Variants in FRMPD2 observed in about 807,000 individuals in gnomAD.
FRMPD2 encodes the protein FERM and PDZ domain-containing protein 2.
In FRMPD2, 96 loss-of-function variants were observed where a neutral mutation model predicts 140.1. The observed-to-expected ratio is 0.69, with a 90% CI of 0.58 to 0.81. FRMPD2 has a LOEUF of 0.81. Ranked by LOEUF, FRMPD2 falls within the 40% of genes least tolerant of loss-of-function variation. The pLI is 0.00. For synonymous variants in FRMPD2, 449 were observed against 547.6 expected (o/e 0.82, Z 2.52); for missense variants, 1,240 against 1,447.4 (o/e 0.86, Z 2.32).
intron 16 of FRMPD2, among the ~76,000 whole-genome samples, chr10:48,191,543 A>C (rs545857634): frequency 6.6e-6 from 1 of 152,262 alleles, no homozygotes; most frequent in East Asian, 1.9e-4. Flanking sequence ...GGTGCACGGC[A>C]ATGTACATTT....
At position 48,222,452 on chromosome 10, in the gene FRMPD2, C is replaced by T. The variant is rs1473913261; in HGVS notation, c.1317-1G>A. 1.2e-6 allele frequency: 2 copies of T among 1,613,700 alleles called. No individual in the cohort carries two copies. On this transcript the variant is annotated splice_acceptor_variant, in intron 11 of 28. Coordinates refer to ENST00000374201, the MANE Select transcript of FRMPD2 (RefSeq NM_001018071.4). LOFTEE classifies it high-confidence loss of function. ...AAACTGGTGCCTTGTCAGGCTGTGCCTGGAAAAGAAGTAGCAATAAAAAGG... is the reference window on the plus strand; with the variant it reads ...AAACTGGTGCCTTGTCAGGCTGTGCTTGGAAAAGAAGTAGCAATAAAAAGG...
intron 12 of FRMPD2, among the ~76,000 whole-genome samples, chr10:48,214,233 C>G (rs1839393606): frequency 6.6e-6 from 1 of 152,166 alleles, no homozygotes; most frequent in Non-Finnish European, 1.5e-5. Flanking sequence ...CACCAAAGAC[C>G]ACCCAGTCTG....
chr10:48,179,883 T>C (rs1244585677), intron 21 of FRMPD2, among the ~76,000 whole-genome samples: 1 of 152,178 alleles, frequency 6.6e-6, no homozygotes, highest in African/African-American at 2.4e-5. Flanking sequence ...GGATAGGTCG[T>C]GGGAGACCTG....
Position 48,221,056 on chromosome 10 carries a change from A to T in FRMPD2, c.1455+1257T>A, listed in dbSNP as rs1052437251. On this transcript the variant is annotated intron_variant, in intron 12 of 28. Coordinates refer to ENST00000374201, the MANE Select transcript of FRMPD2 (RefSeq NM_001018071.4). ...AGAGTCCTTAAAGAACTAAAAGTAG[A>T]ACTACCATTTGAACTAGCAATCCCA... Among the ~76,000 whole-genome samples the T allele has an allele frequency of 3.2e-4, 49 of 152,204 alleles. 1 individual carries two copies. Among genetic ancestry groups the T allele is most frequent in the African/African-American group, 1.2e-3 (48 of 41,460 alleles).
intron 1 of FRMPD2, among the ~76,000 whole-genome samples, chr10:48,262,233 A>G (rs953252577): frequency 4.6e-5 from 7 of 152,206 alleles, no homozygotes; most frequent in African/African-American, 1.7e-4. Context: ...ATATGAAGGC[A>G]CAAATAGGTT....
intron 10 of FRMPD2, among the ~76,000 whole-genome samples, chr10:48,230,563 T>C (rs1839827214): frequency 6.6e-6 from 1 of 152,232 alleles, no homozygotes; most frequent in African/African-American, 2.4e-5. Flanking sequence ...CCAAACTTGA[T>C]GAGGCTAAAC....
At chr10:48,242,069 T>C in intron 5 of FRMPD2, 92 bp downstream of exon 5, 1 of 916,492 alleles carries the variant, frequency 1.1e-6, no homozygotes. Flanking sequence ...ATTTTTTATT[T>C]TATTTTAGTT....
At chr10:48,273,108 A>T (rs1564446240) in intron 1 of FRMPD2, among the ~76,000 whole-genome samples, 1 of 152,264 alleles carries the variant, frequency 6.6e-6, no homozygotes, top group East Asian at 1.9e-4. Context: ...ATTTATAATG[A>T]ACTTATTAGA....
chr10:48,231,651 C>T (rs1466260674), intron 10 of FRMPD2, among the ~76,000 whole-genome samples: 1 of 152,188 alleles, frequency 6.6e-6, no homozygotes, highest in Non-Finnish European at 1.5e-5. Context: ...GCCTGTCTCT[C>T]TCCACTGTCA....
rs575093583 is a variant in FRMPD2, at chr10:48,246,755, C to T, written c.310-1906G>A. 1.2e-4 allele frequency among the ~76,000 whole-genome samples: 19 copies of T among 152,328 alleles called. No individual in the cohort carries two copies. In the South Asian group the frequency reaches 2.3e-3, roughly 18 times the overall value. ...GAGCACAGCCTGTCCAGGGACCATT[C>T]TCCTAGCTCCTAGCTGCCCAACCAA... On this transcript the variant is annotated intron_variant, in intron 3 of 28. Transcript: ENST00000374201.
At chr10:48,258,926 T>A (rs1345984637) in intron 1 of FRMPD2, among the ~76,000 whole-genome samples, 1 of 152,280 alleles carries the variant, frequency 6.6e-6, no homozygotes, top group African/African-American at 2.4e-5. Context: ...CAAAAGGCTC[T>A]GAGCCTGGGC....
intron 10 of FRMPD2, among the ~76,000 whole-genome samples, chr10:48,226,795 A>C (rs962617521): frequency 6.6e-6 from 1 of 152,262 alleles, no homozygotes; most frequent in Non-Finnish European, 1.5e-5. Flanking sequence ...TGGAGTCTTC[A>C]TCTTCTTATG....
intron 1 of FRMPD2, among the ~76,000 whole-genome samples, chr10:48,271,062 A>T (rs1840758208): frequency 2.0e-5 from 3 of 152,208 alleles, no homozygotes; most frequent in Admixed American, 1.3e-4. Context: ...ACTTTCAGCC[A>T]CTTTCTATTC....
chr10:48,229,615 A>G (rs1819186706), intron 10 of FRMPD2, among the ~76,000 whole-genome samples: 1 of 152,144 alleles, frequency 6.6e-6, no homozygotes, highest in Non-Finnish European at 1.5e-5. Context: ...TATAGTTTTG[A>G]TATAAATGTT....
chr10:48,273,152 C>T (rs1840798070), intron 1 of FRMPD2, among the ~76,000 whole-genome samples: 1 of 152,168 alleles, frequency 6.6e-6, no homozygotes, highest in Non-Finnish European at 1.5e-5. Context: ...ACAGTGCTGG[C>T]AGCACCAGCT....
At chr10:48,231,358 C>T (rs1839843523) in intron 10 of FRMPD2, among the ~76,000 whole-genome samples, 1 of 152,196 alleles carries the variant, frequency 6.6e-6, no homozygotes, top group African/African-American at 2.4e-5. Context: ...CACACAAGGA[C>T]AGCCAGCAGC....
chr10:48,203,415 C>T (rs778015458), intron 14 of FRMPD2, among the ~76,000 whole-genome samples: 4 of 152,124 alleles, frequency 2.6e-5, no homozygotes, highest in Non-Finnish European at 5.9e-5. Context: ...TGTATAACTC[C>T]AGTCTCTGGG....
At position 48,238,109 on chromosome 10, in the gene FRMPD2, G is replaced by T; in HGVS notation, c.803C>A (p.Ala268Glu). 10 of 1,611,580 alleles carry T rather than the reference G, an allele frequency of 6.2e-6. No homozygotes were observed. Among genetic ancestry groups the T allele is most frequent in the Non-Finnish European group, 6.8e-6 (8 of 1,180,016 alleles). ...GCCCGCCTGCTGGTCCTGGGGATCTGCTCCTGGAAGAGCGCTGGCCAGGGG... is the reference window on the plus strand; with the variant it reads ...GCCCGCCTGCTGGTCCTGGGGATCTTCTCCTGGAAGAGCGCTGGCCAGGGG... ...SLLVNRALPG[A>E]DPQDQQAGRR... is the part of the protein sequence containing the mutation. Residue 268 changes from alanine to glutamate, a missense_variant, in exon 8 of 29, where the codon GCA becomes GAA. This residue lies in a region of FRMPD2 where 1,161 missense variants were observed against 1,055.9 expected (regional missense o/e 1.10). Transcript: ENST00000374201.
intron 20 of FRMPD2, among the ~76,000 whole-genome samples, chr10:48,182,955 C>T (rs891641279): frequency 3.2e-4 from 48 of 151,994 alleles, no homozygotes; most frequent in African/African-American, 1.1e-3. Flanking sequence ...AGACAGCAAG[C>T]CAGAGACTGG....
Sources: gnomAD v4.1 joint callset for allele counts (sites outside exome capture counted in the v4.1 genomes callset) on GRCh38, gnomAD v4.1.1 for gene constraint, gnomAD v4.1.1 regional missense constraint, MANE v1.5 for transcripts, NCBI Gene and HGNC (gene_info 2026-07-23, HGNC 2026-07-21) for gene names.